Variants in RALGAPA2 observed in about 807,000 individuals in gnomAD.
RALGAPA2 encodes the protein ral GTPase-activating protein subunit alpha-2.
A neutral mutation model predicts 230.4 loss-of-function variants in RALGAPA2; 139 were observed. That is an observed-to-expected ratio of 0.60 (90% CI 0.53 to 0.69). RALGAPA2 has a LOEUF of 0.69. Ranked by LOEUF, RALGAPA2 falls within the 30% of genes least tolerant of loss-of-function variation. The pLI is 0.00. For missense variants in RALGAPA2, 2,163 were observed against 2,276.0 expected, an observed-to-expected ratio of 0.95 and a Z score of 1.01; for synonymous variants, 847 against 837.8, an observed-to-expected ratio of 1.01 and a Z score of -0.19.
chr20:20,598,642 G>A (rs1315843300), intron 16 of RALGAPA2: 2 of 433,560 alleles, frequency 4.6e-6, no homozygotes, highest in Non-Finnish European at 9.3e-6. Context: ...GAGAAGCCCA[G>A]GAACAGTGAT....
chr20:20,655,678 C>T (rs1171510129), intron 3 of RALGAPA2, among the ~76,000 whole-genome samples: 4 of 152,084 alleles, frequency 2.6e-5, no homozygotes, highest in Non-Finnish European at 5.9e-5. Context: ...TGGGTTCCAG[C>T]TGGAGGTGAA....
intron 1 of RALGAPA2, among the ~76,000 whole-genome samples, chr20:20,705,522 G>C (rs2069562485): frequency 6.6e-6 from 1 of 151,928 alleles, no homozygotes; most frequent in Non-Finnish European, 1.5e-5. Context: ...TTTAATTCAA[G>C]TACAAGAATA....
At chr20:20,612,432 T>C (rs987168896) in intron 13 of RALGAPA2, among the ~76,000 whole-genome samples, 1 of 152,248 alleles carries the variant, frequency 6.6e-6, no homozygotes, top group Non-Finnish European at 1.5e-5. Context: ...ATGAGATCTC[T>C]AAATCATAGT....
chr20:20,432,923 T>C (rs973763467), intron 37 of RALGAPA2, among the ~76,000 whole-genome samples: 4 of 152,322 alleles, frequency 2.6e-5, no homozygotes, highest in South Asian at 4.1e-4. Flanking sequence ...ACTTGGTGCA[T>C]GGGCAGAGCC....
At position 20,612,563 on chromosome 20, in the gene RALGAPA2, T is replaced by C. The variant is rs116113204; in HGVS notation, c.1689-1137A>G. Among the ~76,000 whole-genome samples the C allele has an allele frequency of 7.2e-3, 1,098 of 152,306 alleles. 10 individuals are homozygous for C. The highest frequency in any genetic ancestry group is 0.025 in the African/African-American group (1,054 of 41,558). ...CACCTGTGGGGATTTCCTGCCCTCT[T>C]TGTAGCTGGCCCCATTTGATTTTGG... On this transcript the variant is annotated intron_variant, in intron 13 of 39. Coordinates refer to ENST00000202677, the MANE Select transcript of RALGAPA2 (RefSeq NM_020343.4).
chr20:20,651,945 CTTT>C (rs987023347), intron 4 of RALGAPA2, among the ~76,000 whole-genome samples: 1 of 152,090 alleles, frequency 6.6e-6, no homozygotes, highest in African/African-American at 2.4e-5. Flanking sequence ...TTTATTTTTA[CTTT>C]AATTTAAAAA....
chr20:20,425,761 C>T (rs908387678), intron 37 of RALGAPA2, among the ~76,000 whole-genome samples: 7 of 152,098 alleles, frequency 4.6e-5, no homozygotes, highest in African/African-American at 1.7e-4. Context: ...ACAGACCTAT[C>T]AGAGCAAAAA....
At position 20,538,605 on chromosome 20, in the gene RALGAPA2, T is replaced by C. The variant is rs6046920; in HGVS notation, c.3286-1821A>G. Among the ~76,000 whole-genome samples, 290 of 152,342 alleles carry C rather than the reference T, an allele frequency of 1.9e-3. 1 individual carries two copies. Among genetic ancestry groups the C allele is most frequent in the African/African-American group, 6.5e-3 (270 of 41,574 alleles). ...GAAGAAGTGTATTTCCCAAAATTATTTGACTATGAACCTGGCTTTCTTCCT... is the reference window on the plus strand; with the variant it reads ...GAAGAAGTGTATTTCCCAAAATTATCTGACTATGAACCTGGCTTTCTTCCT... On this transcript the variant is annotated intron_variant, in intron 24 of 39. Transcript: ENST00000202677.
rs566408914 is a variant in RALGAPA2 at position 20,653,454 on chromosome 20, A to T, written c.328+76T>A. 4.9e-6 allele frequency: 4 copies of T among 811,006 alleles called. No individual in the cohort carries two copies. The African/African-American group carries it at 7.0e-5, about 14-fold the overall frequency. 50.2% of individuals were successfully genotyped at this position (811,006 alleles called of 1,614,324 possible). Reference sequence around the variant, plus strand: ...CCTTTCTATAAGCTATCTTGATGATATCAATTATATAAAACATTACTGAAA... The same window carrying T: ...CCTTTCTATAAGCTATCTTGATGATTTCAATTATATAAAACATTACTGAAA... On this transcript the variant is annotated intron_variant, in intron 4 of 39. Transcript: ENST00000202677.
At chr20:20,641,624 C>G (rs1007365101) in intron 5 of RALGAPA2, among the ~76,000 whole-genome samples, 25 of 152,038 alleles carry the variant, frequency 1.6e-4, no homozygotes, top group Middle Eastern at 3.4e-3. Context: ...GCACATGTCC[C>G]TCCATTTCTG....
intron 10 of RALGAPA2, among the ~76,000 whole-genome samples, chr20:20,624,102 G>A (rs950331526): frequency 6.6e-6 from 1 of 152,118 alleles, no homozygotes; most frequent in Admixed American, 6.6e-5. Flanking sequence ...CAAGGCGGGT[G>A]GATCACCTGA....
intron 36 of RALGAPA2, among the ~76,000 whole-genome samples, chr20:20,479,054 G>GA (rs776174844): frequency 6.6e-6 from 1 of 151,336 alleles, no homozygotes; most frequent in South Asian, 2.1e-4. Flanking sequence ...GGCCAAATGA[G>GA]AAAAAAAATA....
intron 23 of RALGAPA2, 113 bp from the exon 24 acceptor site, chr20:20,546,945 T>A: frequency 8.8e-7 from 1 of 1,136,888 alleles, no homozygotes; most frequent in Non-Finnish European, 1.2e-6. Flanking sequence ...GAGCACAGAT[T>A]ACAGAAAATT....
intron 19 of RALGAPA2, among the ~76,000 whole-genome samples, chr20:20,584,195 T>G (rs548303846): frequency 6.6e-6 from 1 of 152,198 alleles, no homozygotes; most frequent in Non-Finnish European, 1.5e-5. Flanking sequence ...TTTTACAATA[T>G]ATGATAATAC....
intron 37 of RALGAPA2, among the ~76,000 whole-genome samples, chr20:20,416,985 C>T (rs2060178594): frequency 6.6e-6 from 1 of 152,232 alleles, no homozygotes. Context: ...TGAACTCATG[C>T]AGCCTCTAAT....
chr20:20,427,069 G>C (rs1044577927), intron 37 of RALGAPA2, among the ~76,000 whole-genome samples: 1 of 152,106 alleles, frequency 6.6e-6, no homozygotes, highest in Non-Finnish European at 1.5e-5. Flanking sequence ...TCTCAGTCAC[G>C]GCCCTGCCTC....
intron 38 of RALGAPA2, among the ~76,000 whole-genome samples, chr20:20,401,867 C>A (rs1189738706): frequency 6.6e-6 from 1 of 152,210 alleles, no homozygotes; most frequent in Non-Finnish European, 1.5e-5. Context: ...AAGTAGGCAA[C>A]CCTTTAGCTA....
At chr20:20,497,179 A>C (rs1321565610) in intron 35 of RALGAPA2, among the ~76,000 whole-genome samples, 1 of 152,340 alleles carries the variant, frequency 6.6e-6, no homozygotes, top group African/African-American at 2.4e-5. Flanking sequence ...ACATCTCTTT[A>C]TATTTCTCCA....
chr20:20,706,299 G>A (rs1400808659), intron 1 of RALGAPA2, among the ~76,000 whole-genome samples: 1 of 152,152 alleles, frequency 6.6e-6, no homozygotes, highest in Non-Finnish European at 1.5e-5. Flanking sequence ...ACATATACGT[G>A]TCCAAAGTTC....
Sources: gnomAD v4.1 joint callset for allele counts (sites outside exome capture counted in the v4.1 genomes callset) on GRCh38, gnomAD v4.1.1 for gene constraint, MANE v1.5 for transcripts, NCBI Gene and HGNC (gene_info 2026-07-23, HGNC 2026-07-21) for gene names.